ARL5A: variants seen among roughly 807,000 people sequenced by gnomAD.
The protein encoded by ARL5A is ADP-ribosylation factor-like protein 5A.
ARL5A carries 18 observed loss-of-function variants against 25.9 expected under a neutral mutation model. The ratio of observed to expected loss-of-function variants is 0.69; its 90% CI spans 0.48 to 1.03. The LOEUF is 1.03. Ranked by LOEUF, ARL5A falls within the 50% of genes least tolerant of loss-of-function variation. The pLI, the probability that ARL5A is intolerant of heterozygous loss-of-function variation, is 0.00. For missense variants in ARL5A, 170 were observed against 211.9 expected, an observed-to-expected ratio of 0.80 and a Z score of 1.23; for synonymous variants, 61 against 67.5, an observed-to-expected ratio of 0.90 and a Z score of 0.47.
chr2:151,802,301 C>T lies in ARL5A; in HGVS notation c.*975G>A, dbSNP rs2099829531. The T allele has an allele frequency of 6.6e-6, 1 of 151,980 alleles. No individual in the cohort carries two copies. The highest frequency in any genetic ancestry group is 2.1e-4 in the South Asian group (1 of 4,828). The allele number at this position is 151,980 out of a possible 1,614,324, so 9.4% of individuals were successfully genotyped here. On this transcript the variant is annotated 3_prime_UTR_variant, in exon 6 of 6. Transcript: ENST00000295087. ...GTTGTTTAATAGTATTTATAGAATGCTACTTTTCTGGGTAGACATGTTTCA... is the reference window on the plus strand; with the variant it reads ...GTTGTTTAATAGTATTTATAGAATGTTACTTTTCTGGGTAGACATGTTTCA...
At chr2:151,804,894 A>T (rs1156362595) in intron 5 of ARL5A, among the ~76,000 whole-genome samples, 5 of 152,234 alleles carry the variant, frequency 3.3e-5, no homozygotes, top group Admixed American at 2.6e-4. Context: ...TAGCTGAACT[A>T]TAAAAGAAAA....
At chr2:151,818,348 G>A (rs939742121) in intron 1 of ARL5A, among the ~76,000 whole-genome samples, 4 of 151,938 alleles carry the variant, frequency 2.6e-5, no homozygotes, top group African/African-American at 9.7e-5. Context: ...TCACAATCAC[G>A]GCTCACTGTT....
chr2:151,808,220 G>A (rs956014428), intron 4 of ARL5A, among the ~76,000 whole-genome samples: 21 of 152,282 alleles, frequency 1.4e-4, no homozygotes, highest in African/African-American at 5.1e-4. Flanking sequence ...CATATTAAGA[G>A]ATATAAAATT....
At chr2:151,826,731 G>A (rs1216911766) in intron 1 of ARL5A, among the ~76,000 whole-genome samples, 1 of 152,206 alleles carries the variant, frequency 6.6e-6, no homozygotes, top group African/African-American at 2.4e-5. Flanking sequence ...CAGATCCCTG[G>A]TGTTCTAGGT....
intron 4 of ARL5A, among the ~76,000 whole-genome samples, chr2:151,811,982 A>G (rs1034673293): frequency 6.6e-5 from 10 of 152,234 alleles, no homozygotes; most frequent in Non-Finnish European, 1.3e-4. Flanking sequence ...TAGTCTGCTG[A>G]GTAACAATCA....
intron 1 of ARL5A, among the ~76,000 whole-genome samples, chr2:151,820,124 G>T (rs2099832074): frequency 6.6e-6 from 1 of 152,206 alleles, no homozygotes; most frequent in South Asian, 2.1e-4. Flanking sequence ...CTCATTCCAG[G>T]ATTTCATCTT....
chr2:151,824,752 T>C (rs2099832805), intron 1 of ARL5A, among the ~76,000 whole-genome samples: 1 of 152,234 alleles, frequency 6.6e-6, no homozygotes, highest in Admixed American at 6.5e-5. Flanking sequence ...TGTGCGTGCG[T>C]GCATGTGTGT....
At chr2:151,824,478 CTAATAATAATAA>C (rs61097162) in intron 1 of ARL5A, among the ~76,000 whole-genome samples, 1 of 150,364 alleles carries the variant, frequency 6.7e-6, no homozygotes, top group Non-Finnish European at 1.5e-5. Flanking sequence ...TTTAAACTCC[CTAATAATAATAA>C]TAATAATAAT....
chr2:151,804,490 C>A (rs2099829835), intron 5 of ARL5A, among the ~76,000 whole-genome samples: 1 of 151,878 alleles, frequency 6.6e-6, no homozygotes. Flanking sequence ...AAAGAAGACA[C>A]AAATAGAAAA....
At chr2:151,825,570 T>TA (rs1236621403) in intron 1 of ARL5A, among the ~76,000 whole-genome samples, 2 of 152,242 alleles carry the variant, frequency 1.3e-5, no homozygotes, top group African/African-American at 4.8e-5. Flanking sequence ...CTCTGGTTTT[T>TA]CTAGTTCGAG....
chr2:151,823,061 A>G (rs1333556391), intron 1 of ARL5A, among the ~76,000 whole-genome samples: 24 of 152,212 alleles, frequency 1.6e-4, no homozygotes, highest in Non-Finnish European at 4.4e-5. Flanking sequence ...CACCAGGGCA[A>G]ATAAATGGAG....
intron 1 of ARL5A, among the ~76,000 whole-genome samples, chr2:151,816,506 C>A (rs1174491307): frequency 1.3e-5 from 2 of 152,130 alleles, no homozygotes; most frequent in Non-Finnish European, 2.9e-5. Flanking sequence ...TACACAGAAA[C>A]AGATAACTGA....
chr2:151,826,027 C>A (rs1007054186), intron 1 of ARL5A, among the ~76,000 whole-genome samples: 4 of 152,054 alleles, frequency 2.6e-5, no homozygotes, highest in African/African-American at 9.7e-5. Flanking sequence ...GAGGCTGAGG[C>A]AGGAGAATCG....
Position 151,812,377 on chromosome 2 carries a change from A to G in ARL5A, c.319T>C (p.Tyr107His), listed in dbSNP as rs763359699. ...ERISVTREEL[Y>H]KMLAHEDLRK... is the part of the protein sequence containing the mutation. ...CTTACCTCATGCGCTAACATTTTAT[A>G]GAGTTCTTCTCTAGTTACAGAAATC... Residue 107 changes from tyrosine (Y) to histidine (H), a missense_variant, in exon 4 of 6, where the codon TAT becomes CAT. Transcript: ENST00000295087. 11 of 1,605,386 alleles carry G rather than the reference A, an allele frequency of 6.9e-6. No homozygotes were observed. Among genetic ancestry groups the G allele is most frequent in the Non-Finnish European group, 8.5e-6 (10 of 1,176,844 alleles).
At chr2:151,824,081 C>T (rs1420239212) in intron 1 of ARL5A, among the ~76,000 whole-genome samples, 1 of 152,236 alleles carries the variant, frequency 6.6e-6, no homozygotes, top group East Asian at 1.9e-4. Flanking sequence ...TACAAATGGT[C>T]TCTGACTTGT....
In ARL5A at chr2:151,803,036, C is replaced by A; in HGVS notation, c.*240G>T. On this transcript the variant is annotated 3_prime_UTR_variant, in exon 6 of 6. Transcript: ENST00000295087. ...GGCTACACAATGTCCTGAGAGGATT[C>A]ATTATGAGAAAAATGTCAATCACAG... 1 of 472,794 alleles carries A rather than the reference C, an allele frequency of 2.1e-6. No homozygotes were observed. Among genetic ancestry groups the A allele is most frequent in the Non-Finnish European group, 3.8e-6 (1 of 263,256 alleles). 29.3% of individuals were successfully genotyped at this position (472,794 alleles called of 1,614,324 possible).
At chr2:151,812,484 T>C (rs1293872354) in intron 3 of ARL5A, 44 bp from the exon 4 acceptor site, 1 of 1,307,720 alleles carries the variant, frequency 7.6e-7, no homozygotes, top group Non-Finnish European at 1.1e-6. Flanking sequence ...TACAATTTGG[T>C]ATCTGTAAAA....
chr2:151,811,605 ACT>A (rs1168322197), intron 4 of ARL5A, among the ~76,000 whole-genome samples: 5 of 152,028 alleles, frequency 3.3e-5, no homozygotes, highest in African/African-American at 1.2e-4. Context: ...ACAAGGTCTC[ACT>A]CTGTCACTCA....
At chr2:151,810,629 C>T in intron 4 of ARL5A, 1 of 424,624 alleles carries the variant, frequency 2.4e-6, no homozygotes. Context: ...CTAGTCAAGT[C>T]ACATAACCTT....
Sources: allele counts gnomAD v4.1 joint callset (sites outside exome capture counted in the v4.1 genomes callset), GRCh38; gene constraint gnomAD v4.1.1; transcripts MANE v1.5; gene names NCBI Gene and HGNC (gene_info 2026-07-23, HGNC 2026-07-21).